The following KDM4C variants were observed in gnomAD, a reference collection of about 807,000 sequenced individuals.
KDM4C encodes lysine-specific demethylase 4C.
A neutral mutation model predicts 129.3 loss-of-function variants in KDM4C; 81 were observed. The observed-to-expected ratio is 0.63, with a 90% CI of 0.52 to 0.75. The LOEUF is 0.75. Ranked by LOEUF, KDM4C falls within the 30% of genes least tolerant of loss-of-function variation. The pLI is 0.00. For synonymous variants in KDM4C, 573 were observed against 456.1 expected (o/e 1.26, Z -3.26); for missense variants, 1,457 against 1,304.0 (o/e 1.12, Z -1.81).
At chr9:6,796,991 A>ATT (rs34065981) in intron 2 of KDM4C, among the ~76,000 whole-genome samples, 44 of 143,972 alleles carry the variant, frequency 3.1e-4, no homozygotes, top group Non-Finnish European at 4.4e-4. Flanking sequence ...TTAATGCACT[A>ATT]TTTTTTTTTT....
intron 17 of KDM4C, among the ~76,000 whole-genome samples, chr9:7,073,584 C>G (rs1051715907): frequency 3.9e-5 from 6 of 152,196 alleles, no homozygotes; most frequent in Admixed American, 2.6e-4. Flanking sequence ...AAACGATTAT[C>G]TCAGTTCAGT....
intron 7 of KDM4C, among the ~76,000 whole-genome samples, chr9:6,892,660 T>C (rs952871943): frequency 3.3e-5 from 5 of 152,328 alleles, no homozygotes; most frequent in Non-Finnish European, 5.9e-5. Flanking sequence ...ATTCATGATA[T>C]AGCCTGCCAA....
intron 4 of KDM4C, among the ~76,000 whole-genome samples, chr9:6,818,491 T>C (rs768665545): frequency 5.9e-5 from 9 of 152,186 alleles, no homozygotes; most frequent in Non-Finnish European, 8.8e-5. Flanking sequence ...CAAGAGCAGG[T>C]TCTAGTGCTT....
intron 8 of KDM4C, among the ~76,000 whole-genome samples, chr9:6,976,570 T>A (rs1832960694): frequency 6.6e-6 from 1 of 152,216 alleles, no homozygotes; most frequent in African/African-American, 2.4e-5. Context: ...TATTGGGGGA[T>A]GTTAGGCACT....
intron 21 of KDM4C, chr9:7,170,869 A>G (rs1844884197): frequency 3.4e-6 from 2 of 580,940 alleles, no homozygotes; most frequent in African/African-American, 4.1e-5. Flanking sequence ...AAGAAGAAGA[A>G]TTGTCTTTGG....
intron 12 of KDM4C, among the ~76,000 whole-genome samples, chr9:6,996,545 A>G (rs982275144): frequency 1.3e-5 from 2 of 152,194 alleles, no homozygotes; most frequent in Non-Finnish European, 2.9e-5. Context: ...TGTGCTTCCA[A>G]TCCCCTTGGT....
chr9:6,736,751 T>A (rs1365253899), intron 1 of KDM4C, among the ~76,000 whole-genome samples: 1 of 152,102 alleles, frequency 6.6e-6, no homozygotes, highest in African/African-American at 2.4e-5. Flanking sequence ...ACAAAATCAG[T>A]ATACAGAAAT....
chr9:7,069,085 C>T (rs1364680572), intron 17 of KDM4C, among the ~76,000 whole-genome samples: 1 of 152,120 alleles, frequency 6.6e-6, no homozygotes, highest in Non-Finnish European at 1.5e-5. Context: ...ATAATAGTAG[C>T]TTTTAACATT....
intron 15 of KDM4C, among the ~76,000 whole-genome samples, chr9:7,024,439 T>C (rs1340347220): frequency 1.6e-4 from 24 of 151,908 alleles, no homozygotes; most frequent in Admixed American, 1.1e-3. Context: ...CCCATTAACC[T>C]GTCATTTAGC....
At chr9:6,769,453 A>C (rs946715702) in intron 1 of KDM4C, among the ~76,000 whole-genome samples, 1 of 151,942 alleles carries the variant, frequency 6.6e-6, no homozygotes, top group African/African-American at 2.4e-5. Context: ...CATTGCACCT[A>C]TTTGCTGTTT....
intron 4 of KDM4C, among the ~76,000 whole-genome samples, chr9:6,816,754 G>T (rs1832175268): frequency 6.6e-6 from 1 of 151,746 alleles, no homozygotes; most frequent in Non-Finnish European, 1.5e-5. Flanking sequence ...GTTTTAAGTT[G>T]CATTATGATT....
At chr9:7,048,800 C>CA (rs1456560758) in intron 16 of KDM4C, among the ~76,000 whole-genome samples, 2 of 151,962 alleles carry the variant, frequency 1.3e-5, no homozygotes, top group African/African-American at 4.8e-5. Flanking sequence ...ATAAGAAACC[C>CA]ACATTTCAGT....
At chr9:7,027,133 G>T (rs1168665872) in intron 15 of KDM4C, among the ~76,000 whole-genome samples, 1 of 152,086 alleles carries the variant, frequency 6.6e-6, no homozygotes, top group Non-Finnish European at 1.5e-5. Flanking sequence ...TTCCTGGATT[G>T]TCTTGATGCT....
intron 12 of KDM4C, among the ~76,000 whole-genome samples, chr9:6,992,735 C>G (rs1818978179): frequency 6.6e-6 from 1 of 152,232 alleles, no homozygotes; most frequent in Admixed American, 6.5e-5. Context: ...CCAAATCCAA[C>G]TCCTTTGGGG....
At chr9:7,027,004 T>C (rs1332794456) in intron 15 of KDM4C, among the ~76,000 whole-genome samples, 1 of 152,178 alleles carries the variant, frequency 6.6e-6, no homozygotes, top group African/African-American at 2.4e-5. Flanking sequence ...TTGTGGTATG[T>C]TGAATTTCTT....
chr9:6,834,883 C>G (rs1017770532), intron 4 of KDM4C: 31 of 1,296,690 alleles, frequency 2.4e-5, no homozygotes, highest in Non-Finnish European at 3.4e-5. Flanking sequence ...TGTCCCTGTA[C>G]TTCTTTGGCT....
At chr9:7,019,431 A>G (rs1824257325) in intron 15 of KDM4C, among the ~76,000 whole-genome samples, 1 of 138,368 alleles carries the variant, frequency 7.2e-6, no homozygotes, top group Non-Finnish European at 1.6e-5. Flanking sequence ...ACTAACTCTC[A>G]TTCCTAATTC....
intron 19 of KDM4C, among the ~76,000 whole-genome samples, chr9:7,131,463 G>A (rs907875339): frequency 1.3e-5 from 2 of 152,130 alleles, no homozygotes; most frequent in Non-Finnish European, 2.9e-5. Flanking sequence ...AATTGGCTCT[G>A]TGATTATGGA....
chr9:6,939,038 A>G (rs1176901844), intron 8 of KDM4C, among the ~76,000 whole-genome samples: 2 of 151,544 alleles, frequency 1.3e-5, no homozygotes, highest in Non-Finnish European at 2.9e-5. Context: ...GGGGTCCCCA[A>G]CCCCTGAGCC....
Sources: gnomAD v4.1 joint callset for allele counts (sites outside exome capture counted in the v4.1 genomes callset) on GRCh38, gnomAD v4.1.1 for gene constraint, MANE v1.5 for transcripts, NCBI Gene and HGNC (gene_info 2026-07-23, HGNC 2026-07-21) for gene names.